Variants in ADAM19 observed in about 807,000 individuals in gnomAD.
ADAM19 encodes disintegrin and metalloproteinase domain-containing protein 19.
ADAM19 carries 65 observed loss-of-function variants against 114.7 expected under a neutral mutation model. The observed-to-expected ratio is 0.57, with a 90% confidence interval of 0.46 to 0.70. The LOEUF (loss-of-function observed/expected upper bound fraction) is 0.70, where lower values mean the gene tolerates loss of function less well. Ranked by LOEUF, ADAM19 falls within the 30% of genes least tolerant of loss-of-function variation. ADAM19 has a pLI of 0.00. For missense variants in ADAM19, 1,063 were observed against 1,204.7 expected (o/e 0.88, Z 1.74); for synonymous variants, 466 against 460.5 (o/e 1.01, Z -0.15).
chr5:157,493,637 C>G (rs1490952963), intron 15 of ADAM19, among the ~76,000 whole-genome samples: 3 of 152,256 alleles, frequency 2.0e-5, no homozygotes, highest in East Asian at 1.9e-4. Flanking sequence ...TGCCCCACCC[C>G]CCTTACCTGG....
At chr5:157,564,790 G>A (rs1365123055) in intron 2 of ADAM19, among the ~76,000 whole-genome samples, 1 of 152,216 alleles carries the variant, frequency 6.6e-6, no homozygotes, top group Non-Finnish European at 1.5e-5. Flanking sequence ...GACACCTGCA[G>A]CTGTGTGAAG....
At position 157,513,592 on chromosome 5, in the gene ADAM19, C is replaced by G; in HGVS notation, c.667-87G>C. On this transcript the variant is annotated intron_variant, in intron 7 of 22. Transcript: ENST00000257527. Reference sequence around the variant, plus strand: ...CCCATTACTTGTCTTTGAATTTGCTCTTATTTTCTTCTGTCTTCTATGAGC... The same window carrying G: ...CCCATTACTTGTCTTTGAATTTGCTGTTATTTTCTTCTGTCTTCTATGAGC... The G allele has an allele frequency of 3.2e-6, 4 of 1,245,540 alleles. No individual in the cohort carries two copies. In the East Asian group the frequency reaches 7.0e-5, roughly 22 times the overall value. 77.2% of individuals were successfully genotyped at this position (1,245,540 alleles called of 1,614,324 possible). A position where few individuals can be genotyped will look rare whatever the true frequency, so the allele number is the denominator to read the frequency against.
rs11466786 is a variant in ADAM19 at position 157,492,875 on chromosome 5, G to A, written c.1908+98C>T. On this transcript the variant is annotated intron_variant, in intron 16 of 22. Transcript: ENST00000257527. The stretch of plus-strand genomic sequence containing the variant: ...GAGCCACCAAGGCTCAGAGGTTGGC[G>A]AGGTGGCATCTGAGCCCAGGCATCC... The A allele has an allele frequency of 9.3e-4, 1,227 of 1,313,192 alleles. 9 individuals carry two copies. The African/African-American group carries it at 0.015, about 16-fold the overall frequency. The allele number at this position is 1,313,192 out of a possible 1,614,324, so 81.3% of individuals were successfully genotyped here. A position where few individuals can be genotyped will look rare whatever the true frequency, so the allele number is the denominator to read the frequency against.
Position 157,502,847 on chromosome 5 carries a change from C to G in ADAM19, c.1264G>C (p.Gly422Arg). Residue 422 changes from glycine (G) to arginine (R), a missense_variant, in exon 12 of 23, where the codon GGG becomes CGG. Gly to Arg is a moderately radical substitution (Grantham distance 125, BLOSUM62 -2). Coordinates refer to ENST00000257527, the MANE Select transcript of ADAM19 (RefSeq NM_033274.5). ...MLYGGRRCGNGYLEDGEECDC... is the reference protein window; with the variant it reads ...MLYGGRRCGNRYLEDGEECDC... ...CACTCTTCCCCATCTTCCAGATACC[C>G]GTTCCCACACCTCCGGCCTCCATAC... 1.9e-6 allele frequency: 3 copies of G among 1,614,204 alleles called. No homozygotes were observed. The highest frequency in any genetic ancestry group is 2.5e-6 in the Non-Finnish European group (3 of 1,180,028).
rs569717943 is a variant in ADAM19 at position 157,477,434 on chromosome 5, G to A, written c.*3515C>T. ...CAATTAATAGGTGGACAAGAGAGAA[G>A]AAGATCTGTTTTCCGTGAACAATCT... On this transcript the variant is annotated 3_prime_UTR_variant, in exon 23 of 23. Transcript: ENST00000257527. 10 of 1,030,414 alleles carry A rather than the reference G, an allele frequency of 9.7e-6. No homozygotes were observed. The highest frequency in any genetic ancestry group is 1.2e-5 in the Non-Finnish European group (10 of 854,330). The allele number at this position is 1,030,414 out of a possible 1,614,324, so 63.8% of individuals were successfully genotyped here.
At chr5:157,570,513 T>C (rs1043708852) in intron 2 of ADAM19, 2 of 167,298 alleles carry the variant, frequency 1.2e-5, no homozygotes, top group African/African-American at 4.8e-5. Flanking sequence ...GTTTATATTA[T>C]TATCTTTTTT....
intron 7 of ADAM19, among the ~76,000 whole-genome samples, chr5:157,517,965 G>T (rs1006313071): frequency 6.6e-6 from 1 of 152,100 alleles, no homozygotes; most frequent in African/African-American, 2.4e-5. Flanking sequence ...CGGGGGCAGG[G>T]CCCGAGAATT....
At chr5:157,553,576 T>C (rs966847288) in intron 3 of ADAM19, among the ~76,000 whole-genome samples, 1 of 152,172 alleles carries the variant, frequency 6.6e-6, no homozygotes, top group African/African-American at 2.4e-5. Flanking sequence ...GTACAACTTG[T>C]CAAAATTTAA....
intron 3 of ADAM19, among the ~76,000 whole-genome samples, chr5:157,549,867 A>G (rs1240750850): frequency 6.6e-6 from 1 of 152,230 alleles, no homozygotes. Flanking sequence ...TCTATCAACT[A>G]ATGAATGGGT....
chr5:157,515,269 G>GT (rs1756058960), intron 7 of ADAM19, among the ~76,000 whole-genome samples: 1 of 152,180 alleles, frequency 6.6e-6, no homozygotes, highest in Non-Finnish European at 1.5e-5. Context: ...CACAGACAGC[G>GT]TTGCAGCATT....
intron 5 of ADAM19, 72 bp downstream of exon 5, chr5:157,530,735 G>T: frequency 1.5e-6 from 2 of 1,367,604 alleles, no homozygotes; most frequent in African/African-American, 1.4e-5. Flanking sequence ...CCTTGCCTCA[G>T]CCTTGTCTAT....
intron 3 of ADAM19, among the ~76,000 whole-genome samples, chr5:157,542,761 C>T (rs1268605172): frequency 6.6e-6 from 1 of 152,214 alleles, no homozygotes; most frequent in Non-Finnish European, 1.5e-5. Flanking sequence ...GCTGACATTG[C>T]ACCACTGCAC....
chr5:157,477,614 T>C lies in ADAM19; in HGVS notation c.*3335A>G, dbSNP rs184355470. On this transcript the variant is annotated 3_prime_UTR_variant, in exon 23 of 23. Coordinates refer to ENST00000257527, the MANE Select transcript of ADAM19 (RefSeq NM_033274.5). Reference sequence around the variant, plus strand: ...GCAGGCTCCCCTGGGGAAGGGGACCTTTCCAGTTGGCGTTCCCATGGCTTT... The same window carrying C: ...GCAGGCTCCCCTGGGGAAGGGGACCCTTCCAGTTGGCGTTCCCATGGCTTT... 2.1e-4 allele frequency: 269 copies of C among 1,280,972 alleles called. 1 individual carries two copies. In the African/African-American group the frequency reaches 2.8e-3, roughly 13 times the overall value. The allele number at this position is 1,280,972 out of a possible 1,614,324, so 79.4% of individuals were successfully genotyped here. A position where few individuals can be genotyped will look rare whatever the true frequency, so the allele number is the denominator to read the frequency against.
chr5:157,551,689 C>A (rs988635736), intron 3 of ADAM19, among the ~76,000 whole-genome samples: 2 of 150,670 alleles, frequency 1.3e-5, no homozygotes, highest in African/African-American at 4.9e-5. Context: ...GGCTTAATAA[C>A]AAGACTATAT....
Position 157,490,352 on chromosome 5 carries a change from A to C in ADAM19, c.2198T>G (p.Leu733Arg). ...CTTGGAAGGGAGAGCTGAGGGCTTG[A>C]GTTGGCCTAGTTTGTTGTTCTGTCT... ...CCRQNNKLGQ[L>R]KPSALPSKLR... The change falls in exon 19 of 23, where the codon CTC (leucine) becomes CGC (arginine). Residue 733 changes from leucine (L) to arginine (R), a missense_variant. Physicochemically the swap from Leu to Arg is moderately radical, Grantham distance 102. This residue lies in a region of ADAM19 where 424 missense variants were observed against 445.5 expected (regional missense o/e 0.95). Transcript: ENST00000257527. 1.9e-6 allele frequency: 3 copies of C among 1,614,104 alleles called. 1 individual carries two copies. The South Asian group carries it at 3.3e-5, about 18-fold the overall frequency.
chr5:157,509,147 G>T (rs779644755), intron 9 of ADAM19, among the ~76,000 whole-genome samples, 154 bp downstream of exon 9: 1 of 152,268 alleles, frequency 6.6e-6, no homozygotes, highest in Non-Finnish European at 1.5e-5. Flanking sequence ...TGGGTACAGA[G>T]CGCATGTTTA....
intron 21 of ADAM19, among the ~76,000 whole-genome samples, chr5:157,487,939 G>C (rs1412657219): frequency 6.6e-6 from 1 of 152,172 alleles, no homozygotes; most frequent in Non-Finnish European, 1.5e-5. Context: ...GTATCAGGCA[G>C]AACAAGCAGC....
At chr5:157,535,197 A>G (rs1298671980) in intron 4 of ADAM19, among the ~76,000 whole-genome samples, 2 of 152,238 alleles carry the variant, frequency 1.3e-5, no homozygotes, top group Non-Finnish European at 2.9e-5. Context: ...AAGGTCATAT[A>G]ACTAGTTAAA....
chr5:157,575,190 G>A (rs1027360240), intron 1 of ADAM19, among the ~76,000 whole-genome samples: 1 of 152,246 alleles, frequency 6.6e-6, no homozygotes, highest in African/African-American at 2.4e-5. Flanking sequence ...CACGGGCAGG[G>A]CGCTCGGGAT....
Sources: gnomAD v4.1 joint callset for allele counts (sites outside exome capture counted in the v4.1 genomes callset) on GRCh38, gnomAD v4.1.1 for gene constraint, gnomAD v4.1.1 regional missense constraint, MANE v1.5 for transcripts, NCBI Gene and HGNC (gene_info 2026-07-23, HGNC 2026-07-21) for gene names.